EBF4: variants seen among roughly 807,000 people sequenced by gnomAD.
EBF4 encodes the protein EBF transcription factor 4.
Under a neutral mutation model 67.1 loss-of-function variants are expected in EBF4, and 34 were observed. The observed-to-expected ratio is 0.51, with a 90% CI of 0.39 to 0.67. The LOEUF is 0.67. EBF4 is among the 30% of genes least tolerant of loss of function. The pLI is 0.00. For missense variants in EBF4, 837 were observed against 873.3 expected (o/e 0.96, Z 0.52); for synonymous variants, 387 against 377.7 (o/e 1.02, Z -0.29).
chr20:2,695,206 T>C (rs910631401), intron 1 of EBF4, among the ~76,000 whole-genome samples: 1 of 152,026 alleles, frequency 6.6e-6, no homozygotes, highest in Non-Finnish European at 1.5e-5. Flanking sequence ...GCGAGAGCTC[T>C]TTGTAAGAGT....
chr20:2,752,320 C>T, intron 13 of EBF4, 37 bp from the exon 14 acceptor site: 2 of 1,199,284 alleles, frequency 1.7e-6, no homozygotes, highest in Non-Finnish European at 2.1e-6. Context: ...CCTCCCCGGC[C>T]GGCACCGCCC....
chr20:2,709,741 C>A, intron 6 of EBF4, 99 bp downstream of exon 6: 1 of 1,229,430 alleles, frequency 8.1e-7, no homozygotes, highest in Non-Finnish European at 1.1e-6. Context: ...AGGAGCGGAG[C>A]AGCCCCCCCG....
exon 8 of EBF4, chr20:2,749,453 A>G: frequency 6.5e-7 from 1 of 1,548,582 alleles, no homozygotes; most frequent in East Asian, 2.5e-5. Context: ...GCCGTGTCCG[A>G]CAACATGTTT....
rs559379773 is a variant in EBF4, at chr20:2,737,106, C to T, written c.558-11443C>T. Among the ~76,000 whole-genome samples, 329 of 150,930 alleles carry T rather than the reference C, an allele frequency of 2.2e-3. 1 individual carries two copies. The highest frequency in any genetic ancestry group is 3.5e-3 in the Non-Finnish European group (237 of 67,862). On this transcript the variant is annotated intron_variant, in intron 6 of 16. Coordinates refer to ENST00000609451, the Ensembl canonical transcript of EBF4. The stretch of plus-strand genomic sequence containing the variant: ...CTACTAAAAATACCAAAAAATTAGC[C>T]GGGCGTGGTGGCGGGCGCCTGTAGT...
intron 6 of EBF4, among the ~76,000 whole-genome samples, chr20:2,721,733 G>A (rs1196983028): frequency 1.3e-5 from 2 of 152,180 alleles, no homozygotes; most frequent in Non-Finnish European, 2.9e-5. Context: ...GGAATTACAG[G>A]TGTGAGCCAC....
chr20:2,724,099 C>T (rs1600221291), intron 6 of EBF4, among the ~76,000 whole-genome samples: 1 of 152,346 alleles, frequency 6.6e-6, no homozygotes, highest in East Asian at 1.9e-4. Flanking sequence ...TATACTGGCT[C>T]ACAAGAGCTG....
chr20:2,700,793 A>G (rs2087363554), intron 1 of EBF4, among the ~76,000 whole-genome samples: 1 of 152,072 alleles, frequency 6.6e-6, no homozygotes, highest in South Asian at 2.1e-4. Context: ...CCATTCTACA[A>G]GTGTTGATTG....
In EBF4 at chr20:2,707,918, C is replaced by T. The variant is rs1341176527; in HGVS notation, c.415-29C>T. 1.3e-6 allele frequency: 2 copies of T among 1,564,180 alleles called. No individual in the cohort carries two copies. Among genetic ancestry groups the T allele is most frequent in the South Asian group, 2.3e-5 (2 of 85,300 alleles). On this transcript the variant is annotated intron_variant, in intron 4 of 16. Coordinates refer to ENST00000609451, the Ensembl canonical transcript of EBF4. This position sits in a 1 kb window ranked among gnomAD's most constrained non-coding sequence, Gnocchi z 4.6. ...TGCACCTCAGAGGAGCCTCCTTCCC[C>T]TCCAGCCTGTGCACCTCCCTCTCCC...
chr20:2,753,188 C>CTTA (rs1228428788), intron 14 of EBF4, among the ~76,000 whole-genome samples: 1 of 152,202 alleles, frequency 6.6e-6, no homozygotes, highest in Non-Finnish European at 1.5e-5. Context: ...CCACCCCCTG[C>CTTA]TTAAGGTTGA....
intron 6 of EBF4, among the ~76,000 whole-genome samples, chr20:2,737,000 A>T (rs2087888685): frequency 6.6e-6 from 1 of 152,180 alleles, no homozygotes; most frequent in South Asian, 2.1e-4. Context: ...TTGTAATCCC[A>T]GCACTTTGGG....
intron 14 of EBF4, among the ~76,000 whole-genome samples, chr20:2,752,990 C>T (rs936224072): frequency 2.0e-5 from 3 of 152,226 alleles, no homozygotes; most frequent in African/African-American, 7.2e-5. Flanking sequence ...AGCCGCCCCC[C>T]AGCTCCCAGG....
chr20:2,743,605 ATGGAAAGGGGT>A (rs2088000040), intron 6 of EBF4, among the ~76,000 whole-genome samples: 1 of 152,126 alleles, frequency 6.6e-6, no homozygotes, highest in Non-Finnish European at 1.5e-5. Flanking sequence ...GCGTGCGTAT[ATGGAAAGGGGT>A]TGAGGGGAGG....
intron 6 of EBF4, among the ~76,000 whole-genome samples, chr20:2,724,455 A>G (rs1304169610): frequency 6.6e-6 from 1 of 152,110 alleles, no homozygotes; most frequent in Non-Finnish European, 1.5e-5. Context: ...CATCTTTTAG[A>G]AGTTCCTTGA....
At chr20:2,721,788 A>T (rs774398268) in intron 6 of EBF4, among the ~76,000 whole-genome samples, 1 of 152,216 alleles carries the variant, frequency 6.6e-6, no homozygotes, top group Non-Finnish European at 1.5e-5. Context: ...TATAAAACAC[A>T]GTTATAATAA....
chr20:2,743,904 T>C (rs934054840), intron 6 of EBF4, among the ~76,000 whole-genome samples: 2 of 152,120 alleles, frequency 1.3e-5, no homozygotes, highest in African/African-American at 4.8e-5. Context: ...CAATACATTT[T>C]GGCTAAGTAT....
At chr20:2,699,761 A>G (rs2087348104) in intron 1 of EBF4, among the ~76,000 whole-genome samples, 2 of 152,238 alleles carry the variant, frequency 1.3e-5, no homozygotes, top group African/African-American at 4.8e-5. Flanking sequence ...TTTCTGAATT[A>G]TGGGTGCCAG....
At chr20:2,754,978 C>CACA (rs1468303323) in intron 14 of EBF4, 1 of 118,560 alleles carries the variant, frequency 8.4e-6, no homozygotes, top group Non-Finnish European at 2.0e-5. Flanking sequence ...CCACCCCCCC[C>CACA]CACAGGGCCC....
chr20:2,709,298 G>A (rs2087504956), intron 5 of EBF4, among the ~76,000 whole-genome samples: 1 of 152,172 alleles, frequency 6.6e-6, no homozygotes, highest in Non-Finnish European at 1.5e-5. Context: ...GTGACCTGCA[G>A]CCTGCCCTTT....
At chr20:2,723,056 T>C (rs991931840) in intron 6 of EBF4, among the ~76,000 whole-genome samples, 5 of 152,228 alleles carry the variant, frequency 3.3e-5, no homozygotes, top group African/African-American at 2.4e-5. Context: ...AGTTTTCAGC[T>C]TTTCCCTGTT....
Sources: gnomAD v4.1 joint callset for allele counts (sites outside exome capture counted in the v4.1 genomes callset) on GRCh38, gnomAD v4.1.1 for gene constraint, Gnocchi (gnomAD v3.1) non-coding constraint, MANE v1.5 for transcripts, NCBI Gene and HGNC (gene_info 2026-07-23, HGNC 2026-07-21) for gene names.